Variants in TNK2 observed in about 807,000 individuals in gnomAD.
The protein encoded by TNK2 is tyrosine kinase non receptor 2.
Under a neutral mutation model 101.8 loss-of-function variants are expected in TNK2, and 83 were observed. That is an observed-to-expected ratio of 0.82 (90% CI 0.68 to 0.98). The LOEUF (loss-of-function observed/expected upper bound fraction) is 0.98. TNK2 is among the 50% of genes least tolerant of loss of function. The pLI, the probability that TNK2 is intolerant of heterozygous loss-of-function variation, is 0.00. For missense variants in TNK2, 1,665 were observed against 1,483.2 expected (o/e 1.12, Z -2.01); for synonymous variants, 804 against 633.0 (o/e 1.27, Z -4.06).
At chr3:195,887,846 G>T (rs546199423) in intron 2 of TNK2, among the ~76,000 whole-genome samples, 1 of 100,064 alleles carries the variant, frequency 1.0e-5, no homozygotes, top group South Asian at 3.0e-4. Flanking sequence ...GTGTGTGTGT[G>T]TGTGCGTGTC....
rs146218821 is a variant in TNK2 at position 195,888,642 on chromosome 3, T to TG, written c.-18-37dup. On this transcript the variant is annotated intron_variant, in intron 1 of 15. Coordinates refer to ENST00000672887, the MANE Select transcript of TNK2 (RefSeq NM_001382273.1). This position sits in a 1 kb window ranked among gnomAD's most constrained non-coding sequence, Gnocchi z 5.3. Reference sequence around the variant, plus strand: ...AGGAGTGGCTCAGGGACAAGGGTTGTGGGGGGACAACAGGGGCCTGCCCGA... The same window carrying TG: ...AGGAGTGGCTCAGGGACAAGGGTTGTGGGGGGGACAACAGGGGCCTGCCCGA... 7 of 1,576,192 alleles carry TG rather than the reference T, an allele frequency of 4.4e-6. No individual in the cohort carries two copies. The highest frequency in any genetic ancestry group is 4.5e-5 in the East Asian group (2 of 44,062).
chr3:195,873,454 G>T (rs962309499), intron 9 of TNK2, among the ~76,000 whole-genome samples: 3 of 151,774 alleles, frequency 2.0e-5, no homozygotes, highest in Admixed American at 6.6e-5. Context: ...GGCAGTGTCT[G>T]GGCAGGCGGG....
intron 5 of TNK2, 107 bp downstream of exon 5, chr3:195,883,050 A>T: frequency 7.1e-7 from 1 of 1,409,090 alleles, no homozygotes; most frequent in Non-Finnish European, 9.6e-7. Context: ...GGGGGACCAA[A>T]GTAGGATCTA....
At position 195,869,481 on chromosome 3, in the gene TNK2, A is replaced by G; in HGVS notation, c.1588+16T>C. On this transcript the variant is annotated intron_variant, in intron 12 of 15. Coordinates refer to ENST00000672887, the MANE Select transcript of TNK2 (RefSeq NM_001382273.1). ...GCGGGGGCGGGGGCCAAGGCATCGG[A>G]AGCAGCCCCACTTACTCTGAGTGAA... The G allele has an allele frequency of 1.9e-6, 3 of 1,548,248 alleles. No individual in the cohort carries two copies. The highest frequency in any genetic ancestry group is 1.7e-6 in the Non-Finnish European group (2 of 1,145,746).
intron 9 of TNK2, among the ~76,000 whole-genome samples, chr3:195,876,951 G>C (rs1000893307): frequency 2.0e-5 from 3 of 152,204 alleles, no homozygotes; most frequent in African/African-American, 7.2e-5. Context: ...AGGTGGTAAA[G>C]ATCTGGGGCT....
In TNK2 at chr3:195,888,438, T is replaced by C; in HGVS notation, c.151A>G (p.Met51Val). Residue 51 changes from methionine to valine, a missense_variant, in exon 2 of 16, where the codon ATG becomes GTG. This residue lies in a region of TNK2 where 490 missense variants were observed against 522.5 expected (regional missense o/e 0.94). Coordinates refer to ENST00000672887, the MANE Select transcript of TNK2 (RefSeq NM_001382273.1). The surrounding 1 kb of genome is among the most constrained non-coding windows in gnomAD (Gnocchi z 5.3). The stretch of plus-strand genomic sequence containing the variant: ...ACATCCCACCTACCAGGCCGACCCA[T>C]GCCGATCTTCTCCAGGTCCTCATTC... ...VKNEDLEKIG[M>V]GRPGQRRLWE... 2 of 1,613,486 alleles carry C rather than the reference T, an allele frequency of 1.2e-6. No individual in the cohort carries two copies. Among genetic ancestry groups the C allele is most frequent in the East Asian group, 2.2e-5 (1 of 44,840 alleles).
intron 2 of TNK2, among the ~76,000 whole-genome samples, chr3:195,887,825 T>C (rs1034961392): frequency 1.5e-5 from 2 of 134,648 alleles, no homozygotes; most frequent in African/African-American, 6.6e-5. Context: ...CATGCGGGTG[T>C]GCGCACACAC....
At chr3:195,870,336 C>G (rs1213404077) in intron 10 of TNK2, 131 bp from the exon 11 acceptor site, 11 of 1,526,272 alleles carry the variant, frequency 7.2e-6, no homozygotes, top group Non-Finnish European at 9.7e-6. Flanking sequence ...CTCCCGCCTC[C>G]CAGTCCACAG....
chr3:195,896,378 T>G (rs112638966), intron 1 of TNK2: 6,944 of 311,006 alleles, frequency 0.022, 129 homozygotes, highest in Non-Finnish European at 0.029. Context: ...CCCTGGAAGG[T>G]CACTAGGTGA....
chr3:195,869,707 A>C (rs916654850), intron 11 of TNK2, 166 bp from the exon 12 acceptor site: 8 of 714,376 alleles, frequency 1.1e-5, no homozygotes, highest in African/African-American at 5.2e-5. Flanking sequence ...CGCAGGCGGC[A>C]GGATGAGGAA....
At position 195,869,500 on chromosome 3, in the gene TNK2, G is replaced by A; in HGVS notation, c.1585C>T (p.Gln529Ter). ...PRPPQPAFFT[Q>*]KPTYDPVSED... ...CATCGGAAGCAGCCCCACTTACTCT[G>A]AGTGAAGAAGGCAGGCTGAGGTGGG... is the stretch of plus-strand genomic sequence containing the variant. The change falls in exon 12 of 16, where the codon CAG becomes TAG. Residue 529 changes from glutamine (Q) to a stop codon, truncating the protein, a stop_gained. Transcript: ENST00000672887. LOFTEE classifies it high-confidence loss of function. 2 of 1,550,888 alleles carry A rather than the reference G, an allele frequency of 1.3e-6. No homozygotes were observed. Among genetic ancestry groups the A allele is most frequent in the Non-Finnish European group, 1.7e-6 (2 of 1,146,962 alleles).
chr3:195,905,808 C>A (rs61058949), intron 1 of TNK2, among the ~76,000 whole-genome samples: 19,611 of 152,166 alleles, frequency 0.13, 1,725 homozygotes, highest in East Asian at 0.39. Context: ...TCAAAATTTA[C>A]AACTTCTCTT....
intron 10 of TNK2, among the ~76,000 whole-genome samples, chr3:195,870,934 C>T (rs1161716684): frequency 6.6e-6 from 1 of 151,132 alleles, no homozygotes; most frequent in African/African-American, 2.4e-5. Context: ...TGTGTGGGGG[C>T]CCGCTGTGTG....
Position 195,863,983 on chromosome 3 carries a change from G to A in TNK2, c.*198C>T. On this transcript the variant is annotated 3_prime_UTR_variant, in exon 16 of 16. Coordinates refer to ENST00000672887, the MANE Select transcript of TNK2 (RefSeq NM_001382273.1). ...AGGGGCACCGGGACTGAACCAAAGT[G>A]TGCAGGGACAGCGCTGGTGCAGGAG... 1 of 648,260 alleles carries A rather than the reference G, an allele frequency of 1.5e-6. No individual in the cohort carries two copies. The highest frequency in any genetic ancestry group is 2.7e-6 in the Non-Finnish European group (1 of 376,312). 40.2% of individuals were successfully genotyped at this position (648,260 alleles called of 1,614,324 possible). A position where few individuals can be genotyped will look rare whatever the true frequency, so the allele number is the denominator to read the frequency against.
intron 15 of TNK2, 94 bp downstream of exon 15, chr3:195,866,795 C>G: frequency 1.3e-6 from 2 of 1,501,654 alleles, no homozygotes; most frequent in Non-Finnish European, 9.0e-7. Flanking sequence ...TGGCCGGGAG[C>G]GGCCTGCGAG....
In TNK2 at chr3:195,867,733, AGCCCGCG is replaced by A; in HGVS notation, c.2558_2564del (p.Pro853LeufsTer133). 6.2e-7 allele frequency: 1 copy of A among 1,603,130 alleles called. No individual in the cohort carries two copies. Among genetic ancestry groups the A allele is most frequent in the Non-Finnish European group, 8.5e-7 (1 of 1,175,876 alleles). On this transcript the variant is annotated frameshift_variant, in exon 13 of 16. Coordinates refer to ENST00000672887, the MANE Select transcript of TNK2 (RefSeq NM_001382273.1). LOFTEE classifies it high-confidence loss of function. ...GGACGATGGGCAGGATGCAGGGACC[AGCCCGCG>A]GGCCAGGGGCCTGGATCACCTGGGG... is the stretch of plus-strand genomic sequence containing the variant.
rs1738732740 is a variant in TNK2, at chr3:195,863,539, G to GCCA, written c.*641_*642insTGG. ...TGCCCCTTGGTCTCCTTCCAGCCCT[G>GCCA]GGGCCTTGGGCCCTGGTCCCCGCCA... On this transcript the variant is annotated 3_prime_UTR_variant, in exon 16 of 16. Transcript: ENST00000672887. 6 of 152,800 alleles carry GCCA rather than the reference G, an allele frequency of 3.9e-5. No individual in the cohort carries two copies. The South Asian group carries it at 1.2e-3, about 32-fold the overall frequency. 9.5% of individuals were successfully genotyped at this position (152,800 alleles called of 1,614,324 possible). A position where few individuals can be genotyped will look rare whatever the true frequency, so the allele number is the denominator to read the frequency against.
intron 9 of TNK2, among the ~76,000 whole-genome samples, chr3:195,876,207 A>C (rs1443818289): frequency 6.6e-6 from 1 of 152,160 alleles, no homozygotes; most frequent in African/African-American, 2.4e-5. Flanking sequence ...TGTGTCTCCA[A>C]ATCTAGACAC....
intron 1 of TNK2, among the ~76,000 whole-genome samples, chr3:195,899,808 G>C (rs1045500392): frequency 6.6e-6 from 1 of 152,024 alleles, no homozygotes; most frequent in Non-Finnish European, 1.5e-5. Flanking sequence ...GGGAGAACCT[G>C]GCAGGGGCCC....
Sources: gnomAD v4.1 joint callset for allele counts (sites outside exome capture counted in the v4.1 genomes callset) on GRCh38, gnomAD v4.1.1 for gene constraint, gnomAD v4.1.1 regional missense constraint, Gnocchi (gnomAD v3.1) non-coding constraint, MANE v1.5 for transcripts, NCBI Gene and HGNC (gene_info 2026-07-23, HGNC 2026-07-21) for gene names.